SLCO3A1: variants seen among roughly 807,000 people sequenced by gnomAD.
The protein encoded by SLCO3A1 is solute carrier organic anion transporter family member 3A1, also known as PGE1 transporter.
SLCO3A1 carries 27 observed loss-of-function variants against 63.1 expected under a neutral mutation model. The observed-to-expected ratio is 0.43, with a 90% CI of 0.32 to 0.59. The LOEUF (loss-of-function observed/expected upper bound fraction) is 0.59. SLCO3A1 is among the 20% of genes least tolerant of loss of function. The pLI, the probability that SLCO3A1 is intolerant of heterozygous loss-of-function variation, is 0.09. For missense variants in SLCO3A1, 773 were observed against 945.8 expected (o/e 0.82, Z 2.40); for synonymous variants, 473 against 409.9 (o/e 1.15, Z -1.86).
At chr15:92,116,521 G>GT (rs1191638736) in intron 4 of SLCO3A1, among the ~76,000 whole-genome samples, 1 of 152,214 alleles carries the variant, frequency 6.6e-6, no homozygotes, top group Admixed American at 6.5e-5. Flanking sequence ...GGCTAAATCG[G>GT]TAGGCGGGGG....
At chr15:92,166,225 CCACAG>C (rs1238038876), downstream of SLCO3A1, among the ~76,000 whole-genome samples, 1 of 152,148 alleles carries the variant, frequency 6.6e-6, no homozygotes, top group Non-Finnish European at 1.5e-5. Flanking sequence ...CTCCAGAAGG[CCACAG>C]CATGGCATGC....
intron 9 of SLCO3A1, among the ~76,000 whole-genome samples, chr15:92,155,037 G>GTTAA (rs2048354312): frequency 6.6e-6 from 1 of 152,178 alleles, no homozygotes; most frequent in Non-Finnish European, 1.5e-5. Context: ...TTGAGAGTGA[G>GTTAA]TTAATGAAAG....
At chr15:92,076,278 T>A (rs1408249116) in intron 2 of SLCO3A1, among the ~76,000 whole-genome samples, 1 of 152,176 alleles carries the variant, frequency 6.6e-6, no homozygotes, top group Non-Finnish European at 1.5e-5. Context: ...TGCGTGCAGC[T>A]GGTGCCAACC....
rs189870005 is a variant in SLCO3A1, at chr15:92,070,364, C to T, written c.647-24517C>T. Among the ~76,000 whole-genome samples the T allele has an allele frequency of 1.1e-4, 16 of 152,318 alleles. 1 individual carries two copies. The highest frequency in any genetic ancestry group is 6.2e-4 in the South Asian group (3 of 4,826). ...ATGTCTTGAAATAATTACGGAGGGTCGGGTGCGGTGGCTTACGCCTGTAAT... is the reference window on the plus strand; with the variant it reads ...ATGTCTTGAAATAATTACGGAGGGTTGGGTGCGGTGGCTTACGCCTGTAAT... On this transcript the variant is annotated intron_variant, in intron 2 of 9. Transcript: ENST00000318445.
At chr15:92,007,369 G>C (rs978318400) in intron 2 of SLCO3A1, among the ~76,000 whole-genome samples, 1 of 152,204 alleles carries the variant, frequency 6.6e-6, no homozygotes, top group Non-Finnish European at 1.5e-5. Context: ...TGGATATATG[G>C]CTGGAGTATT....
chr15:91,886,430 T>C lies in SLCO3A1; in HGVS notation c.181-29563T>C, dbSNP rs960662935. 3.3e-5 allele frequency among the ~76,000 whole-genome samples: 5 copies of C among 152,176 alleles called. No individual in the cohort carries two copies. The highest frequency in any genetic ancestry group is 1.2e-4 in the African/African-American group (5 of 41,444). The stretch of plus-strand genomic sequence containing the variant: ...TGGGTCTGGGTGGCTCCTGTTTGTG[T>C]CCACATCAGCGTGAGTTGTGTGAAG... On this transcript the variant is annotated intron_variant, in intron 1 of 9. Coordinates refer to ENST00000318445, the MANE Select transcript of SLCO3A1 (RefSeq NM_013272.4). This position sits in a 1 kb window ranked among gnomAD's most constrained non-coding sequence, Gnocchi z 4.9.
chr15:91,979,759 C>T (rs957781411), intron 2 of SLCO3A1, among the ~76,000 whole-genome samples: 5 of 152,182 alleles, frequency 3.3e-5, no homozygotes, highest in Non-Finnish European at 7.3e-5. Flanking sequence ...CTTCGGTATA[C>T]AATGCATGTC....
rs181316555 is a variant in SLCO3A1, at chr15:92,115,113, A to T, written c.1010-5352A>T. 3.3e-5 allele frequency among the ~76,000 whole-genome samples: 5 copies of T among 152,288 alleles called. No homozygotes were observed. The East Asian group carries it at 9.6e-4, about 29-fold the overall frequency. On this transcript the variant is annotated intron_variant, in intron 4 of 9. Transcript: ENST00000318445. ...TCAGTAGAGAAGATTGAAAGCAGAA[A>T]TACACCGAGAGTCCAGCAGGTACAC...
At chr15:91,878,713 G>T (rs73547382) in intron 1 of SLCO3A1, among the ~76,000 whole-genome samples, 1 of 152,076 alleles carries the variant, frequency 6.6e-6, no homozygotes, top group African/African-American at 2.4e-5. Context: ...AACTCAAAGC[G>T]TAGATTTTCA....
At chr15:92,134,379 C>G (rs895764171) in intron 7 of SLCO3A1, among the ~76,000 whole-genome samples, 3 of 152,134 alleles carry the variant, frequency 2.0e-5, no homozygotes, top group African/African-American at 7.2e-5. Context: ...AGGCCCTCTG[C>G]TAGGCATTGT....
At chr15:92,137,893 G>A (rs2048079261) in intron 7 of SLCO3A1, among the ~76,000 whole-genome samples, 1 of 117,760 alleles carries the variant, frequency 8.5e-6, no homozygotes, top group Non-Finnish European at 1.7e-5. Context: ...CAGATGAGTA[G>A]GTTGCGAAAA....
At chr15:92,157,878 G>A (rs531747550) in intron 9 of SLCO3A1, among the ~76,000 whole-genome samples, 12 of 152,174 alleles carry the variant, frequency 7.9e-5, no homozygotes, top group Non-Finnish European at 1.8e-4. Flanking sequence ...CGTGCCCATT[G>A]TATAAACAGT....
At chr15:91,923,417 C>G (rs988736816) in intron 2 of SLCO3A1, among the ~76,000 whole-genome samples, 3 of 152,320 alleles carry the variant, frequency 2.0e-5, no homozygotes. Flanking sequence ...AAACCAGCAG[C>G]GCTCTTCTTT....
In SLCO3A1 at chr15:91,868,992, T is replaced by C. The variant is rs574487280; in HGVS notation, c.180+14904T>C. 1.4e-4 allele frequency among the ~76,000 whole-genome samples: 22 copies of C among 152,250 alleles called. No homozygotes were observed. The South Asian group carries it at 4.4e-3, about 30-fold the overall frequency. ...ATGAAGAAAAGTTTATATAAAAATG[T>C]TTTTAAAAATTCAAAATCCCCCATT... is the stretch of plus-strand genomic sequence containing the variant. On this transcript the variant is annotated intron_variant, in intron 1 of 9. Transcript: ENST00000318445.
chr15:92,124,232 A>G (rs1482224950), intron 5 of SLCO3A1, among the ~76,000 whole-genome samples: 7 of 152,220 alleles, frequency 4.6e-5, no homozygotes, highest in Non-Finnish European at 1.0e-4. Context: ...GAGTGAAGAT[A>G]AAAAGGACTC....
intron 2 of SLCO3A1, among the ~76,000 whole-genome samples, chr15:91,995,086 AC>A (rs955442194): frequency 1.3e-5 from 2 of 152,184 alleles, no homozygotes; most frequent in African/African-American, 4.8e-5. Context: ...ACAACACTCT[AC>A]AGAGTGGGTG....
chr15:92,157,435 T>TCCC (rs1567153134), intron 9 of SLCO3A1, among the ~76,000 whole-genome samples: 47 of 151,378 alleles, frequency 3.1e-4, no homozygotes, highest in African/African-American at 1.1e-3. Flanking sequence ...CCCCCCCCCT[T>TCCC]GTCCTCCCTT....
Position 92,164,531 on chromosome 15 carries a change from G to A in SLCO3A1, c.*1396G>A. The A allele has an allele frequency of 2.0e-6, 2 of 985,400 alleles. No individual in the cohort carries two copies. Among genetic ancestry groups the A allele is most frequent in the Non-Finnish European group, 2.4e-6 (2 of 829,924 alleles). 61.0% of individuals were successfully genotyped at this position (985,400 alleles called of 1,614,324 possible). ...TGTGGAGGAGACACTCTTAGATGTG[G>A]GTTTGTGTGTATGGGTGCAACACTT... On this transcript the variant is annotated 3_prime_UTR_variant, in exon 10 of 10. Coordinates refer to ENST00000318445, the MANE Select transcript of SLCO3A1 (RefSeq NM_013272.4).
chr15:92,155,812 C>G (rs1275978361), intron 9 of SLCO3A1, among the ~76,000 whole-genome samples: 1 of 152,134 alleles, frequency 6.6e-6, no homozygotes, highest in Non-Finnish European at 1.5e-5. Context: ...GCCCCTGGGA[C>G]TGAGGCTATG....
Sources: gnomAD v4.1 joint callset for allele counts (sites outside exome capture counted in the v4.1 genomes callset) on GRCh38, gnomAD v4.1.1 for gene constraint, Gnocchi (gnomAD v3.1) non-coding constraint, MANE v1.5 for transcripts, NCBI Gene and HGNC (gene_info 2026-07-23, HGNC 2026-07-21) for gene names.